UNC80: variants seen among roughly 807,000 people sequenced by gnomAD.
UNC80 encodes protein unc-80 homolog.
Under a neutral mutation model 384.6 loss-of-function variants are expected in UNC80, and 164 were observed. The ratio of observed to expected loss-of-function variants is 0.43; its 90% CI spans 0.38 to 0.49. UNC80 has a LOEUF of 0.49. UNC80 is among the 20% of genes least tolerant of loss of function. UNC80 has a pLI of 0.00. For synonymous variants in UNC80, 1,486 were observed against 1,527.8 expected (o/e 0.97, Z 0.64); for missense variants, 3,330 against 4,143.0 (o/e 0.80, Z 5.39).
At chr2:209,938,352 G>C (rs2091385395) in intron 42 of UNC80, among the ~76,000 whole-genome samples, 1 of 151,936 alleles carries the variant, frequency 6.6e-6, no homozygotes. Flanking sequence ...AGAATTTCAG[G>C]ATACTTGATC....
At position 209,954,129 on chromosome 2, in the gene UNC80, T is replaced by C; in HGVS notation, c.7316T>C (p.Leu2439Ser). 1.3e-6 allele frequency: 2 copies of C among 1,550,870 alleles called. No individual in the cohort carries two copies. The highest frequency in any genetic ancestry group is 1.7e-6 in the Non-Finnish European group (2 of 1,146,890). ...SLQMLMVLEALVPCYLQKLKR... is the reference protein window; with the variant it reads ...SLQMLMVLEASVPCYLQKLKR... The stretch of plus-strand genomic sequence containing the variant: ...CAGATGCTGATGGTCTTAGAAGCCT[T>C]AGTTCCATGTTACCTACAAAAGCTA... Residue 2439 changes from leucine (L) to serine (S), a missense_variant, in exon 48 of 65, where the codon TTA becomes TCA. Around this residue, in one of 8 missense-constraint regions of UNC80, gnomAD observed 1,049 missense variants for 1,488.6 expected, o/e 0.70. Coordinates refer to ENST00000673920, the MANE Select transcript of UNC80 (RefSeq NM_001371986.1).
At chr2:209,993,499 A>T (rs984831426) in intron 63 of UNC80, 73 bp downstream of exon 63, 52 of 1,308,162 alleles carry the variant, frequency 4.0e-5, no homozygotes, top group Non-Finnish European at 5.2e-5. Context: ...AAGGCTTACA[A>T]AAACCAAGCT....
intron 16 of UNC80, among the ~76,000 whole-genome samples, chr2:209,833,092 G>A (rs894161044): frequency 3.3e-5 from 5 of 152,096 alleles, no homozygotes; most frequent in Non-Finnish European, 7.4e-5. Context: ...GGGGCACAGC[G>A]CCCTGCTTCC....
rs1330525605 is a variant in UNC80 at position 209,996,381 on chromosome 2, T to A, written c.*786T>A. The A allele has an allele frequency of 2.0e-5, 3 of 152,182 alleles. No individual in the cohort carries two copies. The highest frequency in any genetic ancestry group is 4.4e-5 in the Non-Finnish European group (3 of 68,014). The allele number at this position is 152,182 out of a possible 1,614,324, so 9.4% of individuals were successfully genotyped here. A position where few individuals can be genotyped will look rare whatever the true frequency, so the allele number is the denominator to read the frequency against. ...AAAAACTAAATGTATATATAATCAC[T>A]TAAAAGAGATGGTATTCCTATTCCT... is the stretch of plus-strand genomic sequence containing the variant. On this transcript the variant is annotated 3_prime_UTR_variant, in exon 65 of 65. Coordinates refer to ENST00000673920, the MANE Select transcript of UNC80 (RefSeq NM_001371986.1).
chr2:209,893,568 C>G (rs1344566653), intron 26 of UNC80, among the ~76,000 whole-genome samples: 1 of 152,102 alleles, frequency 6.6e-6, no homozygotes, highest in Non-Finnish European at 1.5e-5. Flanking sequence ...AGCCTTTTGA[C>G]TGAGAGGAGG....
chr2:209,941,754 T>G (rs925751900), intron 44 of UNC80, among the ~76,000 whole-genome samples: 2 of 152,142 alleles, frequency 1.3e-5, no homozygotes, highest in Non-Finnish European at 2.9e-5. Flanking sequence ...GCCAGCAGCA[T>G]CAGCATCAAC....
chr2:209,995,020 A>G (rs764045809), intron 64 of UNC80, among the ~76,000 whole-genome samples: 1 of 152,158 alleles, frequency 6.6e-6, no homozygotes, highest in African/African-American at 2.4e-5. Flanking sequence ...CTAAAGGGCA[A>G]TGTTACTGTA....
chr2:209,840,893 G>T (rs867841395), intron 20 of UNC80, among the ~76,000 whole-genome samples: 1 of 152,140 alleles, frequency 6.6e-6, no homozygotes, highest in African/African-American at 2.4e-5. Context: ...CAGATATAGG[G>T]ATGTATATAG....
intron 2 of UNC80, among the ~76,000 whole-genome samples, chr2:209,775,232 A>T (rs1301111998): frequency 6.6e-6 from 1 of 152,206 alleles, no homozygotes; most frequent in Non-Finnish European, 1.5e-5. Context: ...CCTGGCAAGG[A>T]TAGAAAATTT....
At chr2:209,826,105 T>C in intron 14 of UNC80, 52 bp downstream of exon 14, 1 of 1,493,188 alleles carries the variant, frequency 6.7e-7, no homozygotes, top group Non-Finnish European at 9.0e-7. Flanking sequence ...TTCCCTTCTG[T>C]TTAAGAATGA....
At chr2:209,926,797 A>C in intron 35 of UNC80, 46 bp from the exon 36 acceptor site, 1 of 1,548,116 alleles carries the variant, frequency 6.5e-7, no homozygotes, top group Non-Finnish European at 8.7e-7. Flanking sequence ...AGCAACAAAG[A>C]ATTACGTTAC....
intron 26 of UNC80, among the ~76,000 whole-genome samples, chr2:209,888,762 C>A (rs2086064583): frequency 6.6e-6 from 1 of 151,966 alleles, no homozygotes; most frequent in Non-Finnish European, 1.5e-5. Flanking sequence ...ATTACAGGTG[C>A]CCGCCACCAC....
At chr2:209,774,240 T>C (rs1016099503) in intron 2 of UNC80, among the ~76,000 whole-genome samples, 1 of 152,362 alleles carries the variant, frequency 6.6e-6, no homozygotes, top group Non-Finnish European at 1.5e-5. Context: ...TATCTTTCAA[T>C]GTTGTCACAA....
At chr2:209,794,009 T>C in intron 7 of UNC80, 150 bp downstream of exon 7, 1 of 986,040 alleles carries the variant, frequency 1.0e-6, no homozygotes, top group Non-Finnish European at 1.4e-6. Flanking sequence ...TAATTAATAA[T>C]TGTAGAAATA....
chr2:209,915,900 A>G (rs2089482270), intron 31 of UNC80, among the ~76,000 whole-genome samples: 3 of 152,196 alleles, frequency 2.0e-5, no homozygotes, highest in Non-Finnish European at 4.4e-5. Flanking sequence ...CAACACATGG[A>G]AATAATAAGT....
At chr2:209,851,208 G>C (rs545386277) in intron 22 of UNC80, among the ~76,000 whole-genome samples, 1 of 152,002 alleles carries the variant, frequency 6.6e-6, no homozygotes, top group East Asian at 1.9e-4. Context: ...TCTCAGGTTG[G>C]CAATGATTTG....
intron 42 of UNC80, among the ~76,000 whole-genome samples, chr2:209,937,940 A>C (rs2091360244): frequency 6.6e-6 from 1 of 152,100 alleles, no homozygotes; most frequent in African/African-American, 2.4e-5. Context: ...ATTTCTGTAA[A>C]ATTGGATTGG....
chr2:209,808,767 T>TTCTGCGCTACTCAGCGCCCTCGTTGCC, intron 7 of UNC80: 2 of 59,210 alleles, frequency 3.4e-5, no homozygotes, highest in Admixed American at 3.6e-4. Context: ...CCTGCGCTAC[T>TTCTGCGCTACTCAGCGCCCTCGTTGCC]TCTGCGCTAC....
chr2:209,890,708 A>C (rs535366121), intron 26 of UNC80, among the ~76,000 whole-genome samples: 44 of 152,362 alleles, frequency 2.9e-4, no homozygotes, highest in African/African-American at 1.0e-3. Context: ...GTTAACACCT[A>C]CTGCATTGCG....
Sources: allele counts gnomAD v4.1 joint callset (sites outside exome capture counted in the v4.1 genomes callset), GRCh38; gene constraint gnomAD v4.1.1; regional missense constraint gnomAD v4.1.1; transcripts MANE v1.5; gene names NCBI Gene and HGNC (gene_info 2026-07-23, HGNC 2026-07-21).